Variants in CXCL13 observed in about 807,000 individuals in gnomAD.
The protein encoded by CXCL13 is C-X-C motif chemokine ligand 13, also known as C-X-C motif chemokine 13.
In CXCL13, 7 loss-of-function variants were observed where a neutral mutation model predicts 12.2. The ratio of observed to expected loss-of-function variants is 0.57; its 90% CI spans 0.33 to 1.07. CXCL13 has a LOEUF of 1.07. Among genes scored for constraint, CXCL13 ranks in the 50% least tolerant of loss-of-function variants. The probability of loss-of-function intolerance (pLI) is 0.04; values close to 1 mark genes in which losing one functional copy is unlikely to be tolerated. For missense variants in CXCL13, 113 were observed against 127.4 expected (o/e 0.89, Z 0.55); for synonymous variants, 47 against 42.4 (o/e 1.11, Z -0.42).
chr4:77,513,455 C>CTT (rs574725892), intron 1 of CXCL13, among the ~76,000 whole-genome samples: 18 of 144,732 alleles, frequency 1.2e-4, no homozygotes, highest in African/African-American at 3.5e-4. Context: ...TGTTTCCTGA[C>CTT]TTTTTTTTTT....
intron 1 of CXCL13, among the ~76,000 whole-genome samples, chr4:77,583,650 A>C (rs1339680051): frequency 6.6e-6 from 1 of 152,104 alleles, no homozygotes; most frequent in African/African-American, 2.4e-5. Context: ...TAAGAATACA[A>C]ATGGCTATGG....
Position 77,594,199 on chromosome 4 carries a change from C to T in CXCL13, c.-42-11625C>T, listed in dbSNP as rs1726689590. 3.3e-5 allele frequency among the ~76,000 whole-genome samples: 5 copies of T among 152,162 alleles called. No homozygotes were observed. In the South Asian group the frequency reaches 6.2e-4, roughly 19 times the overall value. On this transcript the variant is annotated intron_variant, in intron 1 of 4. Coordinates refer to the CXCL13 transcript ENST00000286758. ...AGTCATGCATGTCTATCTCTGGAGG[C>T]TGCCAGAGTCAGTCATGCAGAGGAC...
intron 1 of CXCL13, among the ~76,000 whole-genome samples, chr4:77,549,508 A>G (rs1336088794): frequency 6.6e-6 from 1 of 152,210 alleles, no homozygotes; most frequent in Non-Finnish European, 1.5e-5. Context: ...GGTGACCTAC[A>G]GATGGGGTTT....
chr4:77,603,022 G>T (rs921472338), upstream of CXCL13, among the ~76,000 whole-genome samples: 6 of 152,156 alleles, frequency 3.9e-5, no homozygotes, highest in Non-Finnish European at 2.9e-5. Flanking sequence ...TCAGATTTTA[G>T]AATTGTTCTG....
intron 1 of CXCL13, among the ~76,000 whole-genome samples, chr4:77,524,405 C>A (rs1300001814): frequency 6.6e-6 from 1 of 152,236 alleles, no homozygotes; most frequent in Non-Finnish European, 1.5e-5. Context: ...AGCTTCCCAG[C>A]CACTTTGTTT....
chr4:77,569,905 T>C (rs1726027080), intron 1 of CXCL13, among the ~76,000 whole-genome samples: 1 of 152,200 alleles, frequency 6.6e-6, no homozygotes, highest in Non-Finnish European at 1.5e-5. Flanking sequence ...CAAAACAGCA[T>C]GGTACTGGTA....
intron 1 of CXCL13, among the ~76,000 whole-genome samples, chr4:77,528,553 G>A (rs906733908): frequency 6.6e-6 from 1 of 152,100 alleles, no homozygotes; most frequent in Non-Finnish European, 1.5e-5. Flanking sequence ...TTTTCATGTG[G>A]CTTTTGGCTG....
chr4:77,576,233 T>C (rs531953456), intron 1 of CXCL13, among the ~76,000 whole-genome samples: 21 of 149,440 alleles, frequency 1.4e-4, no homozygotes, highest in Non-Finnish European at 2.5e-4. Context: ...ACTGAACCAA[T>C]AGAAAACTGA....
chr4:77,568,103 C>T (rs1725980294), intron 1 of CXCL13, among the ~76,000 whole-genome samples: 1 of 152,208 alleles, frequency 6.6e-6, no homozygotes, highest in East Asian at 1.9e-4. Flanking sequence ...GACATCATTT[C>T]TGGTAACACA....
chr4:77,550,638 T>C (rs914674773), intron 1 of CXCL13, among the ~76,000 whole-genome samples: 2 of 152,230 alleles, frequency 1.3e-5, no homozygotes, highest in East Asian at 1.9e-4. Flanking sequence ...CTAGGTCCAA[T>C]TGATCAAATG....
chr4:77,566,371 C>G (rs1457379671), intron 1 of CXCL13, among the ~76,000 whole-genome samples: 1 of 152,164 alleles, frequency 6.6e-6, no homozygotes, highest in African/African-American at 2.4e-5. Context: ...AAAACTTTGA[C>G]TTGCTAATTG....
rs1405976613 is a variant in CXCL13 at position 77,590,574 on chromosome 4, A to G, written c.-42-15250A>G. ...GCTCAAGAACAGGTTTTCCATGGAC[A>G]TAAGTCACATGGCCATTCCTTCTTT... On this transcript the variant is annotated intron_variant, in intron 1 of 4. Coordinates refer to the CXCL13 transcript ENST00000286758. Among the ~76,000 whole-genome samples the G allele has an allele frequency of 2.6e-5, 4 of 152,376 alleles. No homozygotes were observed. The East Asian group carries it at 7.7e-4, about 29-fold the overall frequency.
At position 77,570,870 on chromosome 4, in the gene CXCL13, G is replaced by A. The variant is rs371759583; in HGVS notation, c.-42-34954G>A. Among the ~76,000 whole-genome samples the A allele has an allele frequency of 1.6e-4, 25 of 152,118 alleles. No individual in the cohort carries two copies. In the East Asian group the frequency reaches 1.7e-3, roughly 11 times the overall value. Reference sequence around the variant, plus strand: ...GTGCCAGCCCACCGGTGCTGCGCTCGATTTCTCACCGGGCCTTAGCTGCCT... The same window carrying A: ...GTGCCAGCCCACCGGTGCTGCGCTCAATTTCTCACCGGGCCTTAGCTGCCT... On this transcript the variant is annotated intron_variant, in intron 1 of 4. Coordinates refer to the CXCL13 transcript ENST00000286758.
At chr4:77,553,683 C>T (rs1424259779) in intron 1 of CXCL13, among the ~76,000 whole-genome samples, 1 of 152,168 alleles carries the variant, frequency 6.6e-6, no homozygotes, top group East Asian at 1.9e-4. Context: ...TCTGGGGTTT[C>T]CTTTGTGATT....
At chr4:77,587,159 A>G (rs775007842) in intron 1 of CXCL13, among the ~76,000 whole-genome samples, 3 of 152,196 alleles carry the variant, frequency 2.0e-5, no homozygotes, top group Non-Finnish European at 4.4e-5. Context: ...TGCTCTGAAC[A>G]ATATCCGGTA....
intron 1 of CXCL13, among the ~76,000 whole-genome samples, chr4:77,596,963 G>A (rs56849401): frequency 0.023 from 3,560 of 152,176 alleles, 129 homozygotes; most frequent in African/African-American, 0.077. Flanking sequence ...TACATGCGGT[G>A]GAGTATTATT....
chr4:77,576,243 A>G (rs941817199), intron 1 of CXCL13, among the ~76,000 whole-genome samples: 1 of 149,456 alleles, frequency 6.7e-6, no homozygotes, highest in Admixed American at 6.6e-5. Context: ...TAGAAAACTG[A>G]AGTAATGTTT....
chr4:77,579,994 C>A (rs1726278665), intron 1 of CXCL13, among the ~76,000 whole-genome samples: 1 of 152,150 alleles, frequency 6.6e-6, no homozygotes, highest in African/African-American at 2.4e-5. Flanking sequence ...TCAGATCAGA[C>A]CTTGGCTGTG....
chr4:77,604,367 T>G (rs1226523235), upstream of CXCL13, among the ~76,000 whole-genome samples: 5 of 152,024 alleles, frequency 3.3e-5, 1 homozygote, highest in Admixed American at 2.0e-4. Context: ...ATCGCAGGAG[T>G]TGTTCTGAAT....
Sources: allele counts gnomAD v4.1 joint callset (sites outside exome capture counted in the v4.1 genomes callset), GRCh38; gene constraint gnomAD v4.1.1; transcripts MANE v1.5; gene names NCBI Gene and HGNC (gene_info 2026-07-23, HGNC 2026-07-21).